The following XRN2 variants were observed in gnomAD, a reference collection of about 807,000 sequenced individuals.
XRN2 encodes 5'-3' exoribonuclease 2.
XRN2 carries 44 observed loss-of-function variants against 138.5 expected under a neutral mutation model. That is an observed-to-expected ratio of 0.32 (90% CI 0.25 to 0.41). The LOEUF is 0.41. XRN2 is among the 10% of genes least tolerant of loss of function. The pLI, the probability that XRN2 is intolerant of heterozygous loss-of-function variation, is 1.00. For synonymous variants in XRN2, 354 were observed against 369.4 expected (o/e 0.96, Z 0.48); for missense variants, 937 against 1,169.3 (o/e 0.80, Z 2.90).
intron 1 of XRN2, 35 bp downstream of exon 1, chr20:21,303,508 C>T: frequency 6.5e-7 from 1 of 1,533,726 alleles, no homozygotes; most frequent in Non-Finnish European, 8.8e-7. Context: ...ACACTCGAGC[C>T]CGGGCCCCCG....
At chr20:21,359,581 T>A (rs1349651842) in intron 24 of XRN2, among the ~76,000 whole-genome samples, 1 of 152,028 alleles carries the variant, frequency 6.6e-6, no homozygotes, top group Non-Finnish European at 1.5e-5. Flanking sequence ...TTCAGGTGTA[T>A]ATTGAAAATA....
At chr20:21,382,124 T>C in intron 28 of XRN2, 67 bp downstream of exon 28, 1 of 1,362,824 alleles carries the variant, frequency 7.3e-7, no homozygotes, top group East Asian at 2.4e-5. Flanking sequence ...TTATGGTTTT[T>C]ATGGAAGCTA....
Position 21,349,949 on chromosome 20 carries a change from T to C in XRN2, c.1936+488T>C, listed in dbSNP as rs535379503. On this transcript the variant is annotated intron_variant, in intron 20 of 29. Transcript: ENST00000377191. ...CTTTGTGATTAATTAATGGGGCTTGTTACATTCAGTCAGTAGCTCATTAAC... is the reference window on the plus strand; with the variant it reads ...CTTTGTGATTAATTAATGGGGCTTGCTACATTCAGTCAGTAGCTCATTAAC... Among the ~76,000 whole-genome samples, 18 of 152,336 alleles carry C rather than the reference T, an allele frequency of 1.2e-4. No homozygotes were observed. In the South Asian group the frequency reaches 2.5e-3, roughly 21 times the overall value.
chr20:21,363,722 C>T (rs1161188576), intron 24 of XRN2, among the ~76,000 whole-genome samples: 2 of 152,134 alleles, frequency 1.3e-5, no homozygotes, highest in Admixed American at 1.3e-4. Flanking sequence ...AAGAAAACTG[C>T]TGTCTAAAAA....
At position 21,365,651 on chromosome 20, in the gene XRN2, T is replaced by C; in HGVS notation, c.2403T>C (p.Phe801=). ...GGCAGTGGAAGCCTCAGCTTGGCTT[T>C]AACCGTGACCGGAGGCCTGTGCACC... ...NGRQWKPQLG[F]NRDRRPVHLD... Residue 801 remains phenylalanine (F), a synonymous_variant, in exon 26 of 30, where the codon TTT becomes TTC. Coordinates refer to ENST00000377191, the MANE Select transcript of XRN2 (RefSeq NM_012255.5). 14 of 1,613,302 alleles carry C rather than the reference T, an allele frequency of 8.7e-6. No homozygotes were observed. The highest frequency in any genetic ancestry group is 2.2e-5 in the East Asian group (1 of 44,822).
intron 1 of XRN2, among the ~76,000 whole-genome samples, chr20:21,305,524 G>T (rs1275984625): frequency 7.9e-5 from 2 of 25,256 alleles, no homozygotes; most frequent in African/African-American, 1.7e-4. Flanking sequence ...ACAGTGCTGA[G>T]ACTACAGGCA....
At chr20:21,378,647 A>G (rs956393970) in intron 27 of XRN2, among the ~76,000 whole-genome samples, 1 of 152,260 alleles carries the variant, frequency 6.6e-6, no homozygotes, top group African/African-American at 2.4e-5. Context: ...ATAAAAGATC[A>G]TCTTTCCTTT....
Position 21,303,742 on chromosome 20 carries a change from T to A in XRN2, c.75+269T>A, listed in dbSNP as rs2037773314. The A allele has an allele frequency of 4.1e-6, 5 of 1,211,856 alleles. No homozygotes were observed. In the Admixed American group the frequency reaches 2.3e-4, roughly 55 times the overall value. The allele number at this position is 1,211,856 out of a possible 1,614,324, so 75.1% of individuals were successfully genotyped here. Reference sequence around the variant, plus strand: ...AGGGTCGCTCCTCCCCTACTCGCTTTTTCCCGGCACCGGAAGGCCCCGCCC... The same window carrying A: ...AGGGTCGCTCCTCCCCTACTCGCTTATTCCCGGCACCGGAAGGCCCCGCCC... On this transcript the variant is annotated intron_variant, in intron 1 of 29. Coordinates refer to ENST00000377191, the MANE Select transcript of XRN2 (RefSeq NM_012255.5).
intron 27 of XRN2, among the ~76,000 whole-genome samples, chr20:21,375,010 C>CTTTTTTTTTTTT (rs34212552): frequency 2.2e-5 from 1 of 44,680 alleles, no homozygotes; most frequent in Non-Finnish European, 4.1e-5. Context: ...TTGGTAAGTT[C>CTTTTTTTTTTTT]TTTTTTTTTT....
intron 28 of XRN2, among the ~76,000 whole-genome samples, chr20:21,384,663 T>C (rs769913780): frequency 1.7e-3 from 265 of 152,290 alleles, no homozygotes; most frequent in Middle Eastern, 6.8e-3. Flanking sequence ...TGGCTGATTT[T>C]TGTATTTTTA....
chr20:21,372,375 G>A (rs1324326881), intron 27 of XRN2, among the ~76,000 whole-genome samples: 1 of 152,026 alleles, frequency 6.6e-6, no homozygotes, highest in Admixed American at 6.6e-5. Flanking sequence ...AAGTAGTTGG[G>A]TGGTGTTAAG....
rs1031811565 is a variant in XRN2 at position 21,357,747 on chromosome 20, C to A, written c.2210C>A (p.Ser737Tyr). Residue 737 changes from serine (S) to tyrosine (Y), a missense_variant, in exon 24 of 30, where the codon TCT becomes TAT. Around this residue, in one of 6 missense-constraint regions of XRN2, gnomAD observed 372 missense variants for 414.4 expected, o/e 0.90. Coordinates refer to ENST00000377191, the MANE Select transcript of XRN2 (RefSeq NM_012255.5). ...EAILPDQIVC[S>Y]PVPMLRDLTQ... ...TTGTTTCCTTCTAGAATAGTATGTT[C>A]TCCTGTTCCTATGTTAAGGGATCTG... 1.3e-6 allele frequency: 2 copies of A among 1,597,338 alleles called. No homozygotes were observed. Among genetic ancestry groups the A allele is most frequent in the African/African-American group, 2.7e-5 (2 of 74,484 alleles).
At chr20:21,364,414 G>A (rs1219109661) in intron 24 of XRN2, among the ~76,000 whole-genome samples, 1 of 152,136 alleles carries the variant, frequency 6.6e-6, no homozygotes, top group East Asian at 1.9e-4. Flanking sequence ...CAACCTTTGG[G>A]ATAGGTAAAC....
Position 21,330,481 on chromosome 20 carries a change from G to A in XRN2, c.428G>A (p.Gly143Asp). 1 of 1,613,276 alleles carries A rather than the reference G, an allele frequency of 6.2e-7. No homozygotes were observed. The highest frequency in any genetic ancestry group is 8.5e-7 in the Non-Finnish European group (1 of 1,179,846). Residue 143 changes from glycine to aspartate, a missense_variant and splice_region_variant, in exon 5 of 30, where the codon GGT becomes GAT. Gly to Asp is a moderately conservative substitution (Grantham distance 94). Around this residue, in one of 6 missense-constraint regions of XRN2, gnomAD observed 471 missense variants for 581.2 expected, o/e 0.81. Coordinates refer to ENST00000377191, the MANE Select transcript of XRN2 (RefSeq NM_012255.5). ...ACAAAACGTTGCCTCTTTTCTCTAG[G>A]TGGCTTTCTTCCTCCAGAAGAAATA... ...QRVREEILAK[G>D]GFLPPEEIKE... is the part of the protein sequence containing the mutation.
chr20:21,386,483 G>T lies in XRN2; in HGVS notation c.2649-385G>T, dbSNP rs151311398. Among the ~76,000 whole-genome samples the T allele has an allele frequency of 2.9e-3, 446 of 152,290 alleles. 2 individuals are homozygous for T. The highest frequency in any genetic ancestry group is 0.01 in the African/African-American group (430 of 41,564). Reference sequence around the variant, plus strand: ...TCCAAGAACGAGTCTGGACATTTTTGAAAATAAAGCCTCATTCTCCTGTCT... The same window carrying T: ...TCCAAGAACGAGTCTGGACATTTTTTAAAATAAAGCCTCATTCTCCTGTCT... On this transcript the variant is annotated intron_variant, in intron 28 of 29. Transcript: ENST00000377191.
chr20:21,351,295 AATGGGT>A (rs1414156808), intron 20 of XRN2, among the ~76,000 whole-genome samples: 3 of 152,154 alleles, frequency 2.0e-5, no homozygotes, highest in East Asian at 1.9e-4. Context: ...TAACCATGCT[AATGGGT>A]ATGAATGGTA....
At chr20:21,310,734 A>ATTTTTAT (rs934332035) in intron 1 of XRN2, among the ~76,000 whole-genome samples, 2 of 150,446 alleles carry the variant, frequency 1.3e-5, no homozygotes, top group Non-Finnish European at 3.0e-5. Context: ...GCTTTTTTTT[A>ATTTTTAT]TTTTTATTTT....
chr20:21,314,893 A>C (rs997703401), intron 1 of XRN2, among the ~76,000 whole-genome samples: 4 of 152,214 alleles, frequency 2.6e-5, no homozygotes, highest in African/African-American at 9.6e-5. Context: ...ACAAATAGAC[A>C]GTAAAGGACA....
rs1169737846 is a variant in XRN2 at position 21,308,408 on chromosome 20, T to A, written c.75+4935T>A. On this transcript the variant is annotated intron_variant, in intron 1 of 29. Transcript: ENST00000377191. Reference sequence around the variant, plus strand: ...TTGGATTGTATATTAGGTGTGTGATTACTTAAAAAGAAAAACCTGCCAGAC... The same window carrying A: ...TTGGATTGTATATTAGGTGTGTGATAACTTAAAAAGAAAAACCTGCCAGAC... Among the ~76,000 whole-genome samples the A allele has an allele frequency of 5.9e-5, 9 of 152,202 alleles. No homozygotes were observed. The East Asian group carries it at 1.7e-3, about 29-fold the overall frequency.
Sources: gnomAD v4.1 joint callset for allele counts (sites outside exome capture counted in the v4.1 genomes callset) on GRCh38, gnomAD v4.1.1 for gene constraint, gnomAD v4.1.1 regional missense constraint, MANE v1.5 for transcripts, NCBI Gene and HGNC (gene_info 2026-07-23, HGNC 2026-07-21) for gene names.